Variants in TENM2 observed in about 807,000 individuals in gnomAD.
TENM2 encodes teneurin transmembrane protein 2, also known as teneurin-2.
Under a neutral mutation model 245.2 loss-of-function variants are expected in TENM2, and 52 were observed. The ratio of observed to expected loss-of-function variants is 0.21; its 90% CI spans 0.17 to 0.27. TENM2 has a LOEUF of 0.27. TENM2 is among the 10% of genes least tolerant of loss of function. The probability of loss-of-function intolerance (pLI) is 1.00; values close to 1 mark genes in which losing one functional copy is unlikely to be tolerated. For missense variants in TENM2, 3,046 were observed against 3,666.8 expected, an observed-to-expected ratio of 0.83 and a Z score of 4.37; for synonymous variants, 1,363 against 1,438.9, an observed-to-expected ratio of 0.95 and a Z score of 1.19.
intron 7 of TENM2, among the ~76,000 whole-genome samples, chr5:168,082,157 T>C (rs1033775470): frequency 1.7e-4 from 26 of 152,214 alleles, no homozygotes; most frequent in Admixed American, 1.4e-3. Flanking sequence ...TCTAAACTTC[T>C]CTTCTCGCTT....
chr5:167,192,421 C>A, the TENM2 span, among the ~76,000 whole-genome samples: 1 of 152,158 alleles, frequency 6.6e-6, no homozygotes, highest in East Asian at 1.9e-4. Flanking sequence ...GCCCAGCATA[C>A]ACTTATAAGA....
At chr5:167,358,469 C>CT (rs34914768) in intron 1 of TENM2, among the ~76,000 whole-genome samples, 136,889 of 146,720 alleles carry the variant, frequency 0.93, 63,907 homozygotes, top group East Asian at 0.97. Context: ...CTCCTTTCTT[C>CT]TTTTTTTTTT....
intron 1 of TENM2, among the ~76,000 whole-genome samples, chr5:167,312,769 G>A (rs1756114793): frequency 6.6e-6 from 1 of 151,504 alleles, no homozygotes; most frequent in African/African-American, 2.4e-5. Context: ...CTTTAGTTTT[G>A]TGTGATGCTG....
chr5:167,446,681 T>G (rs1261294359), intron 2 of TENM2, among the ~76,000 whole-genome samples: 1 of 95,976 alleles, frequency 1.0e-5, no homozygotes, highest in Non-Finnish European at 2.1e-5. Flanking sequence ...AGTTATGGAG[T>G]AAACCTATCA....
intron 2 of TENM2, among the ~76,000 whole-genome samples, chr5:167,863,590 G>A (rs1772033287): frequency 6.6e-6 from 1 of 152,174 alleles, no homozygotes; most frequent in African/African-American, 2.4e-5. Context: ...GTTGCAGTGA[G>A]CTGAGATTGT....
the TENM2 span, among the ~76,000 whole-genome samples, chr5:166,991,349 A>C: frequency 6.6e-6 from 1 of 151,926 alleles, no homozygotes; most frequent in Non-Finnish European, 1.5e-5. Context: ...AATTGATTTA[A>C]ATTGGATATT....
chr5:167,488,071 AG>A (rs755926629), intron 2 of TENM2, among the ~76,000 whole-genome samples: 2 of 152,182 alleles, frequency 1.3e-5, no homozygotes, highest in Non-Finnish European at 2.9e-5. Context: ...ACTGAGTATT[AG>A]ATCACATAAC....
At chr5:167,430,034 T>C (rs1764121799) in intron 2 of TENM2, among the ~76,000 whole-genome samples, 1 of 151,940 alleles carries the variant, frequency 6.6e-6, no homozygotes, top group Admixed American at 6.6e-5. Context: ...AATGAGTGGC[T>C]GAGGTGGAGG....
rs189955932 is a variant in TENM2 at position 167,724,302 on chromosome 5, T to C, written c.503-151684T>C. On this transcript the variant is annotated intron_variant, in intron 2 of 28. Transcript: ENST00000518659. ...ATAAATTACTAGTTTTTTTTTTTTT[T>C]CCCATGTACTTACTGTGTGACTTTG... Among the ~76,000 whole-genome samples, 276 of 151,930 alleles carry C rather than the reference T, an allele frequency of 1.8e-3. 2 individuals carry two copies. Among genetic ancestry groups the C allele is most frequent in the South Asian group, 0.012 (60 of 4,814 alleles).
intron 2 of TENM2, among the ~76,000 whole-genome samples, chr5:167,471,490 A>G (rs1466295775): frequency 6.6e-6 from 1 of 152,256 alleles, no homozygotes; most frequent in Non-Finnish European, 1.5e-5. Flanking sequence ...CAATAATGTA[A>G]GAATTCAAGT....
Position 167,343,708 on chromosome 5 carries a change from C to A in TENM2, c.227-31490C>A, listed in dbSNP as rs560048842. Among the ~76,000 whole-genome samples the A allele has an allele frequency of 1.4e-3, 211 of 152,200 alleles. 2 individuals are homozygous for A. Among genetic ancestry groups the A allele is most frequent in the Non-Finnish European group, 2.2e-3 (148 of 67,986 alleles). On this transcript the variant is annotated intron_variant, in intron 1 of 28. Transcript: ENST00000518659. Reference sequence around the variant, plus strand: ...TGCATTTTTTAAAAAAATGAATTAACACAAGAAGTTTGTTCTTTAATTTAA... The same window carrying A: ...TGCATTTTTTAAAAAAATGAATTAAAACAAGAAGTTTGTTCTTTAATTTAA...
At chr5:167,350,355 T>C (rs951571934) in intron 1 of TENM2, among the ~76,000 whole-genome samples, 1 of 151,786 alleles carries the variant, frequency 6.6e-6, no homozygotes, top group African/African-American at 2.4e-5. Flanking sequence ...TTCAATACTT[T>C]CTGCATCATT....
At chr5:167,842,555 C>G (rs1372468910) in intron 2 of TENM2, among the ~76,000 whole-genome samples, 1 of 119,250 alleles carries the variant, frequency 8.4e-6, no homozygotes, top group Non-Finnish European at 1.6e-5. Flanking sequence ...TGCCATTGAA[C>G]TGGGAAATGG....
At chr5:167,622,572 A>G (rs775307112) in intron 2 of TENM2, among the ~76,000 whole-genome samples, 1 of 152,136 alleles carries the variant, frequency 6.6e-6, no homozygotes, top group East Asian at 1.9e-4. Context: ...TTTCTTCCAT[A>G]ATATAGAGCA....
the TENM2 span, among the ~76,000 whole-genome samples, chr5:167,008,772 G>A: frequency 7.9e-5 from 12 of 152,102 alleles, no homozygotes; most frequent in Non-Finnish European, 1.3e-4. Context: ...TTTGGGAACC[G>A]TGCCTGTGCG....
chr5:167,791,985 G>A (rs539531255), intron 2 of TENM2, among the ~76,000 whole-genome samples: 1 of 152,246 alleles, frequency 6.6e-6, no homozygotes, highest in African/African-American at 2.4e-5. Context: ...GAGGAAGAGT[G>A]TCACTTACCA....
the TENM2 span, among the ~76,000 whole-genome samples, chr5:167,274,596 T>A: frequency 2.0e-5 from 3 of 150,530 alleles, no homozygotes; most frequent in Non-Finnish European, 3.0e-5. Flanking sequence ...TTTTTTTTTT[T>A]AAGAAACTAG....
At chr5:167,404,174 G>T (rs1273765394) in intron 2 of TENM2, among the ~76,000 whole-genome samples, 1 of 152,022 alleles carries the variant, frequency 6.6e-6, no homozygotes, top group Non-Finnish European at 1.5e-5. Flanking sequence ...GGCCAAGAGA[G>T]TGTTATTAAG....
intron 2 of TENM2, among the ~76,000 whole-genome samples, chr5:167,725,162 TC>T (rs1759904316): frequency 6.6e-6 from 1 of 152,182 alleles, no homozygotes; most frequent in South Asian, 2.1e-4. Flanking sequence ...TTATTAAAAT[TC>T]AATAAATTTT....
Sources: gnomAD v4.1 joint callset for allele counts (sites outside exome capture counted in the v4.1 genomes callset) on GRCh38, gnomAD v4.1.1 for gene constraint, MANE v1.5 for transcripts, NCBI Gene and HGNC (gene_info 2026-07-23, HGNC 2026-07-21) for gene names.